Variants in BRD10 observed in about 807,000 individuals in gnomAD.
BRD10 encodes the protein bromodomain containing 10.
At chr9:5,886,036 C>T in the BRD10 span, among the ~76,000 whole-genome samples, 4 of 152,206 alleles carry the variant, frequency 2.6e-5, no homozygotes, top group Admixed American at 1.3e-4. Context: ...ACACAGTGGA[C>T]GCATGGCTAG....
chr9:6,007,142 G>T, the BRD10 span: 3 of 1,548,508 alleles, frequency 1.9e-6, no homozygotes, highest in Non-Finnish European at 2.6e-6. Context: ...GGGCACGTGT[G>T]AGTGTGTGTT....
chr9:5,921,825 G>A, the BRD10 span: 4 of 1,614,012 alleles, frequency 2.5e-6, no homozygotes, highest in Admixed American at 1.7e-5. Flanking sequence ...GAGGGCATGT[G>A]TGAAGTTTTA....
At chr9:5,943,698 T>C in the BRD10 span, among the ~76,000 whole-genome samples, 6 of 152,100 alleles carry the variant, frequency 3.9e-5, no homozygotes, top group Non-Finnish European at 7.4e-5. Flanking sequence ...CGTATAAAAA[T>C]ATAAGAATCT....
the BRD10 span, among the ~76,000 whole-genome samples, chr9:5,928,853 A>G: frequency 6.6e-6 from 1 of 152,038 alleles, no homozygotes; most frequent in East Asian, 1.9e-4. Context: ...TGTAAGTCAC[A>G]GAGTGGAGAC....
At chr9:5,939,045 G>A in the BRD10 span, among the ~76,000 whole-genome samples, 1 of 151,948 alleles carries the variant, frequency 6.6e-6, no homozygotes, top group African/African-American at 2.4e-5. Context: ...CTGAGAAAAT[G>A]GGACATGAAA....
the BRD10 span, chr9:5,922,310 A>G: frequency 6.2e-7 from 1 of 1,613,918 alleles, no homozygotes; most frequent in East Asian, 2.2e-5. Flanking sequence ...TGTGGAGGAA[A>G]TGGTCGGTGA....
chr9:6,008,311 GCAC>G, the BRD10 span: 25 of 985,102 alleles, frequency 2.5e-5, no homozygotes, highest in Non-Finnish European at 3.0e-5. Flanking sequence ...AGGAGGCGGT[GCAC>G]GGACGGGGCC....
At chr9:5,951,076 ACCCC>A in the BRD10 span, among the ~76,000 whole-genome samples, 1 of 127,368 alleles carries the variant, frequency 7.9e-6, no homozygotes, top group African/African-American at 3.4e-5. Context: ...ACACACACAC[ACCCC>A]CACCCCACCC....
chr9:5,908,655 C>T, the BRD10 span: 5 of 1,614,046 alleles, frequency 3.1e-6, no homozygotes, highest in Non-Finnish European at 3.4e-6. Flanking sequence ...CAATGCTCCA[C>T]CTGCTTATGA....
chr9:6,002,067 C>T, the BRD10 span, among the ~76,000 whole-genome samples: 1 of 152,122 alleles, frequency 6.6e-6, no homozygotes, highest in East Asian at 1.9e-4. Context: ...GAAAATAGTA[C>T]CATGACTTCT....
the BRD10 span, among the ~76,000 whole-genome samples, chr9:5,949,093 C>A: frequency 1.3e-5 from 2 of 152,182 alleles, no homozygotes; most frequent in African/African-American, 4.8e-5. Context: ...GGGGGAAGAA[C>A]TCCTGCTGTT....
chr9:6,008,189 G>A, the BRD10 span: 2 of 977,184 alleles, frequency 2.0e-6, no homozygotes, highest in Non-Finnish European at 2.4e-6. Context: ...GGGGCGAGGA[G>A]GAAGGGGGTT....
chr9:5,971,903 T>C, the BRD10 span, among the ~76,000 whole-genome samples: 5 of 151,648 alleles, frequency 3.3e-5, no homozygotes, highest in Admixed American at 6.5e-5. Flanking sequence ...GTCTTCACAA[T>C]AGGAGTGGTG....
At chr9:5,926,594 C>T in the BRD10 span, among the ~76,000 whole-genome samples, 14 of 152,160 alleles carry the variant, frequency 9.2e-5, 1 homozygote, top group Admixed American at 7.2e-4. Context: ...TGCAGTGGCG[C>T]GATCACAGCT....
the BRD10 span, chr9:5,944,989 A>G: frequency 2.7e-5 from 31 of 1,160,982 alleles, no homozygotes; most frequent in Non-Finnish European, 3.2e-5. Flanking sequence ...ACACAGCTTG[A>G]TAACACATAA....
the BRD10 span, among the ~76,000 whole-genome samples, chr9:6,002,588 T>C: frequency 2.0e-5 from 3 of 152,162 alleles, no homozygotes; most frequent in Non-Finnish European, 2.9e-5. Context: ...AAATTTAACT[T>C]AGGAAAAGAT....
At chr9:5,924,051 G>C in the BRD10 span, among the ~76,000 whole-genome samples, 55 of 152,122 alleles carry the variant, frequency 3.6e-4, 3 homozygotes, top group Admixed American at 3.3e-3. Flanking sequence ...CATCAACCAT[G>C]GTAATTCCTG....
At chr9:6,006,011 G>C in the BRD10 span, among the ~76,000 whole-genome samples, 1 of 152,154 alleles carries the variant, frequency 6.6e-6, no homozygotes, top group Non-Finnish European at 1.5e-5. Flanking sequence ...CAATGACAAA[G>C]GTTACTTTTA....
chr9:5,975,670 CAGAG>C, the BRD10 span, among the ~76,000 whole-genome samples: 7 of 151,972 alleles, frequency 4.6e-5, no homozygotes, highest in South Asian at 4.2e-4. Context: ...AACTTGAAGA[CAGAG>C]AGAGAAACTG....
Sources: allele counts gnomAD v4.1 joint callset (sites outside exome capture counted in the v4.1 genomes callset), GRCh38; gene constraint gnomAD v4.1.1; transcripts MANE v1.5; gene names NCBI Gene and HGNC (gene_info 2026-07-23, HGNC 2026-07-21).